Variants in IFI44L observed in about 807,000 individuals in gnomAD.
IFI44L encodes the protein interferon-induced protein 44-like.
Under a neutral mutation model 39.3 loss-of-function variants are expected in IFI44L, and 40 were observed. That is an observed-to-expected ratio of 1.02 (90% CI 0.79 to 1.33). The LOEUF (loss-of-function observed/expected upper bound fraction) is 1.33. IFI44L is among the 40% of genes most tolerant of loss of function. The pLI is 0.00. For missense variants in IFI44L, 623 were observed against 549.0 expected, an observed-to-expected ratio of 1.13 and a Z score of -1.35; for synonymous variants, 198 against 182.3, an observed-to-expected ratio of 1.09 and a Z score of -0.69.
chr1:78,630,538 G>A (rs1652711878), intron 4 of IFI44L, among the ~76,000 whole-genome samples: 1 of 152,066 alleles, frequency 6.6e-6, no homozygotes, highest in Non-Finnish European at 1.5e-5. Context: ...GCTTTTCAAT[G>A]TTATCATGCA....
Position 78,627,955 on chromosome 1 carries a change from C to A in IFI44L, c.40C>A (p.His14Asn), listed in dbSNP as rs1485534150. 4 of 1,606,422 alleles carry A rather than the reference C, an allele frequency of 2.5e-6. No individual in the cohort carries two copies. The South Asian group carries it at 4.5e-5, about 18-fold the overall frequency. ...AAGATTGACATGGAATGATGAAAATCATCTGCGCAAGCTGCTTGGAAATGT... is the reference window on the plus strand; with the variant it reads ...AAGATTGACATGGAATGATGAAAATAATCTGCGCAAGCTGCTTGGAAATGT... ...TTRLTWNDEN[H>N]LRKLLGNVSL... The change falls in exon 2 of 9, where the codon CAT becomes AAT. Residue 14 changes from histidine to asparagine, a missense_variant. Coordinates refer to ENST00000370751, the MANE Select transcript of IFI44L (RefSeq NM_006820.4).
Position 78,644,379 on chromosome 1 carries a change from G to A in IFI44L, c.*2570G>A, listed in dbSNP as rs1647024744. ...TTAGGAGCATAAATGTTGACACTAA[G>A]TTATCCCTTTTGTGCTAAAATGGAC... On this transcript the variant is annotated 3_prime_UTR_variant, in exon 9 of 9. Transcript: ENST00000370751. The A allele has an allele frequency of 6.6e-6, 1 of 152,148 alleles. No individual in the cohort carries two copies. Among genetic ancestry groups the A allele is most frequent in the Admixed American group, 6.5e-5 (1 of 15,274 alleles). 9.4% of individuals were successfully genotyped at this position (152,148 alleles called of 1,614,324 possible). A position where few individuals can be genotyped will look rare whatever the true frequency, so the allele number is the denominator to read the frequency against.
At chr1:78,641,746 A>G in intron 8 of IFI44L, 29 bp from the exon 9 acceptor site, 1 of 1,613,296 alleles carries the variant, frequency 6.2e-7, no homozygotes, top group Non-Finnish European at 8.5e-7. Flanking sequence ...TATATGTTTC[A>G]TTTCCACTCT....
rs188020730 is a variant in IFI44L at position 78,638,730 on chromosome 1, C to A, written c.1048+1527C>A. On this transcript the variant is annotated intron_variant, in intron 6 of 8. Coordinates refer to ENST00000370751, the MANE Select transcript of IFI44L (RefSeq NM_006820.4). ...TTCCTTCATTTGTTTCAAGAATGTT[C>A]CTACTTGGTTCTTAAGCATTTTTAT... Among the ~76,000 whole-genome samples the A allele has an allele frequency of 2.3e-4, 35 of 152,134 alleles. No homozygotes were observed. In the East Asian group the frequency reaches 6.0e-3, roughly 26 times the overall value.
At chr1:78,634,890 AAT>A (rs898321292) in intron 4 of IFI44L, among the ~76,000 whole-genome samples, 1 of 151,742 alleles carries the variant, frequency 6.6e-6, no homozygotes, top group Non-Finnish European at 1.5e-5. Flanking sequence ...ACCAGTTACA[AAT>A]ATGTTTATTT....
chr1:78,629,648 G>A, intron 3 of IFI44L, 72 bp from the exon 4 acceptor site: 1 of 1,064,942 alleles, frequency 9.4e-7, no homozygotes, highest in South Asian at 1.9e-5. Context: ...AGCTCTAGGT[G>A]ACTTGAGATG....
At chr1:78,627,042 C>A (rs1018557717) in intron 1 of IFI44L, 4 of 151,986 alleles carry the variant, frequency 2.6e-5, no homozygotes, top group African/African-American at 9.7e-5. Context: ...TTTTATCTCC[C>A]TAACTCTATG....
intron 6 of IFI44L, among the ~76,000 whole-genome samples, chr1:78,638,379 T>G (rs1196277251): frequency 1.3e-5 from 2 of 152,134 alleles, no homozygotes; most frequent in African/African-American, 2.4e-5. Flanking sequence ...TTTCTCCCAG[T>G]CTGTAGTTGT....
chr1:78,627,368 C>CTT (rs1401467735), intron 1 of IFI44L: 1 of 151,552 alleles, frequency 6.6e-6, no homozygotes, highest in Non-Finnish European at 1.5e-5. Context: ...TCTTTATGTG[C>CTT]TGTTTTTTGC....
chr1:78,639,308 A>G (rs2100391209), intron 6 of IFI44L, among the ~76,000 whole-genome samples: 1 of 152,176 alleles, frequency 6.6e-6, no homozygotes, highest in Admixed American at 6.5e-5. Context: ...ACCTTGGCTA[A>G]GGGTGAAAGT....
At chr1:78,637,319 G>T in intron 6 of IFI44L, 116 bp downstream of exon 6, 2 of 711,840 alleles carry the variant, frequency 2.8e-6, no homozygotes, top group Non-Finnish European at 2.2e-6. Context: ...TCCCTGGAGT[G>T]GTGGCCATCG....
At chr1:78,641,675 C>T in intron 8 of IFI44L, 66 bp downstream of exon 8, 2 of 1,606,938 alleles carry the variant, frequency 1.2e-6, no homozygotes, top group East Asian at 2.2e-5. Context: ...CTAAGTTATA[C>T]ATCAGTTATT....
chr1:78,635,348 T>C lies in IFI44L; in HGVS notation c.735T>C (p.Tyr245=). ...ITSITERYRI[Y]SVKDGKNGKS... ...TATTTTTTTAACAGTATAGGATATATTCTGTTAAAGATGGAAAAAATGGAA... is the reference window on the plus strand; with the variant it reads ...TATTTTTTTAACAGTATAGGATATACTCTGTTAAAGATGGAAAAAATGGAA... The change falls in exon 5 of 9, where the codon TAT becomes TAC. Residue 245 remains tyrosine (Y), a synonymous_variant. Coordinates refer to ENST00000370751, the MANE Select transcript of IFI44L (RefSeq NM_006820.4). 6.2e-7 allele frequency: 1 copy of C among 1,602,444 alleles called. No individual in the cohort carries two copies. Among genetic ancestry groups the C allele is most frequent in the Non-Finnish European group, 8.6e-7 (1 of 1,169,588 alleles).
intron 4 of IFI44L, 55 bp downstream of exon 4, chr1:78,629,970 A>G: frequency 1.4e-6 from 2 of 1,471,526 alleles, no homozygotes; most frequent in South Asian, 1.2e-5. Flanking sequence ...TATATTGCTT[A>G]TGTCTTTGCC....
intron 5 of IFI44L, chr1:78,635,807 G>A: frequency 3.8e-6 from 1 of 266,664 alleles, no homozygotes. Context: ...TGCACTTTTT[G>A]GGTTACATAG....
At chr1:78,633,272 A>G (rs1018361917) in intron 4 of IFI44L, among the ~76,000 whole-genome samples, 1 of 152,198 alleles carries the variant, frequency 6.6e-6, no homozygotes, top group Non-Finnish European at 1.5e-5. Context: ...AGTAAAATCC[A>G]GCACTGGATA....
chr1:78,636,135 ATC>A (rs1228646912), intron 5 of IFI44L, among the ~76,000 whole-genome samples: 3 of 152,072 alleles, frequency 2.0e-5, no homozygotes, highest in Non-Finnish European at 4.4e-5. Context: ...CTAAAGAAGA[ATC>A]TCTTTTGCCT....
chr1:78,638,601 G>A (rs1653038142), intron 6 of IFI44L, among the ~76,000 whole-genome samples: 1 of 151,962 alleles, frequency 6.6e-6, no homozygotes. Flanking sequence ...CTGCTTTTGA[G>A]CATAGCTATT....
chr1:78,640,132 G>A (rs1188986453), intron 6 of IFI44L, among the ~76,000 whole-genome samples: 1 of 152,070 alleles, frequency 6.6e-6, no homozygotes, highest in Non-Finnish European at 1.5e-5. Context: ...GAAATGCTAA[G>A]TTTTAAAATG....
Sources: allele counts gnomAD v4.1 joint callset (sites outside exome capture counted in the v4.1 genomes callset), GRCh38; gene constraint gnomAD v4.1.1; transcripts MANE v1.5; gene names NCBI Gene and HGNC (gene_info 2026-07-23, HGNC 2026-07-21).